The following CTBP1 variants were observed in gnomAD, a reference collection of about 807,000 sequenced individuals.
CTBP1 encodes the protein C-terminal binding protein 1.
A neutral mutation model predicts 42.1 loss-of-function variants in CTBP1; 11 were observed. That is an observed-to-expected ratio of 0.26 (90% CI 0.16 to 0.43). CTBP1 has a LOEUF of 0.43. Among genes scored for constraint, CTBP1 ranks in the 20% least tolerant of loss-of-function variants. CTBP1 has a pLI of 1.00. For missense variants in CTBP1, 399 were observed against 624.3 expected (o/e 0.64, Z 3.85); for synonymous variants, 324 against 277.1 (o/e 1.17, Z -1.68).
chr4:1,227,307 T>G (rs113482566), intron 4 of CTBP1, among the ~76,000 whole-genome samples: 1 of 151,962 alleles, frequency 6.6e-6, no homozygotes, highest in African/African-American at 2.4e-5. Context: ...GTGTGCGTGA[T>G]CCGTGTGCTG....
rs544119555 is a variant in CTBP1 at position 1,211,995 on chromosome 4, T to C, written c.*245A>G. 1 of 376,622 alleles carries C rather than the reference T, an allele frequency of 2.7e-6. No individual in the cohort carries two copies. The highest frequency in any genetic ancestry group is 3.9e-5 in the East Asian group (1 of 25,834). The allele number at this position is 376,622 out of a possible 1,614,324, so 23.3% of individuals were successfully genotyped here. A position where few individuals can be genotyped will look rare whatever the true frequency, so the allele number is the denominator to read the frequency against. On this transcript the variant is annotated 3_prime_UTR_variant, in exon 10 of 10. Transcript: ENST00000382952. ...AAAAACTGTACACAGACAAGAACGTTCATGGGAGAATAACTACTGACTTCT... is the reference window on the plus strand; with the variant it reads ...AAAAACTGTACACAGACAAGAACGTCCATGGGAGAATAACTACTGACTTCT...
At chr4:1,232,543 C>T (rs959896796) in intron 3 of CTBP1, among the ~76,000 whole-genome samples, 12 of 152,108 alleles carry the variant, frequency 7.9e-5, no homozygotes, top group African/African-American at 2.9e-4. Context: ...AACTCCTGAC[C>T]TCAAGTGATC....
intron 1 of CTBP1, chr4:1,242,431 AG>A (rs1560282265): frequency 8.1e-6 from 8 of 985,296 alleles, no homozygotes; most frequent in Non-Finnish European, 9.6e-6. Context: ...CTGCCAGGCC[AG>A]AAGGGGCCAC....
chr4:1,237,060 T>C lies in CTBP1; in HGVS notation c.162+1123A>G, dbSNP rs1731593453. The C allele has an allele frequency of 3.8e-5, 24 of 629,480 alleles. 1 individual carries two copies. The highest frequency in any genetic ancestry group is 3.7e-4 in the South Asian group (23 of 61,636). The allele number at this position is 629,480 out of a possible 1,614,324, so 39.0% of individuals were successfully genotyped here. ...CTGATGGCGCTCAGGACAAACCGAG[T>C]GTGGGGCTCAGGGAAAACCCCGTGT... On this transcript the variant is annotated intron_variant, in intron 3 of 9. Transcript: ENST00000382952.
intron 3 of CTBP1, chr4:1,234,768 A>G (rs1731312725): frequency 6.6e-6 from 1 of 152,226 alleles, no homozygotes; most frequent in African/African-American, 2.4e-5. Context: ...CGTACCTAAC[A>G]AAGGGCACTG....
At chr4:1,242,335 A>G (rs1464534705) in intron 1 of CTBP1, 1 of 985,224 alleles carries the variant, frequency 1.0e-6, no homozygotes, top group African/African-American at 1.7e-5. Flanking sequence ...GGCTGACCCC[A>G]ACGTGCAGCT....
chr4:1,223,998 G>A (rs1034299810), intron 5 of CTBP1, among the ~76,000 whole-genome samples: 14 of 152,204 alleles, frequency 9.2e-5, no homozygotes, highest in South Asian at 6.2e-4. Flanking sequence ...ACCACTCCCC[G>A]GGGATAGGGC....
upstream of CTBP1, chr4:1,249,541 C>G (rs79746330): frequency 0.28 from 52,515 of 185,272 alleles, 9,170 homozygotes; most frequent in Middle Eastern, 0.44. Context: ...AGCTGCCGCC[C>G]TCCCGCGCTC....
At chr4:1,216,435 A>G (rs1729126298) in intron 5 of CTBP1, 1 of 598,446 alleles carries the variant, frequency 1.7e-6, no homozygotes, top group Non-Finnish European at 3.0e-6. Flanking sequence ...GAAAGGGTAC[A>G]CTAGCCCCTC....
Position 1,216,175 on chromosome 4 carries a change from G to T in CTBP1, c.545C>A (p.Ala182Asp). 1 of 1,610,628 alleles carries T rather than the reference G, an allele frequency of 6.2e-7. No homozygotes were observed. The highest frequency in any genetic ancestry group is 1.3e-5 in the African/African-American group (1 of 75,000). Residue 182 changes from alanine (A) to aspartate (D), a missense_variant, in exon 6 of 10, where the codon GCC becomes GAC. Around this residue, in one of 4 missense-constraint regions of CTBP1, gnomAD observed 309 missense variants for 497.5 expected, o/e 0.62. Coordinates refer to ENST00000382952, the MANE Select transcript of CTBP1 (RefSeq NM_001012614.2). ...GRVGQAVALR[A>D]KAFGFNVLFY... Reference sequence around the variant, plus strand: ...GAGCACGTTGAAGCCGAAGGCCTTGGCCCGCAGCGCCACTGCCTGCCCCAC... The same window carrying T: ...GAGCACGTTGAAGCCGAAGGCCTTGTCCCGCAGCGCCACTGCCTGCCCCAC...
In CTBP1 at chr4:1,248,913, T is replaced by C. The variant is rs1194960282; in HGVS notation, c.-189+3A>G. 1.0e-6 allele frequency: 1 copy of C among 986,192 alleles called. No homozygotes were observed. Among genetic ancestry groups the C allele is most frequent in the Non-Finnish European group, 1.2e-6 (1 of 828,916 alleles). 61.1% of individuals were successfully genotyped at this position (986,192 alleles called of 1,614,324 possible). ...CCGGAAACGCGCGCGCGCGCGGCCT[T>C]ACCAAGCGGCAGGCCCTTGTTGAGC... On this transcript the variant is annotated splice_donor_region_variant and intron_variant, in intron 1 of 9. Transcript: ENST00000382952.
chr4:1,223,326 T>TC (rs1200733732), intron 5 of CTBP1: 1 of 408,836 alleles, frequency 2.4e-6, no homozygotes, highest in African/African-American at 2.1e-5. Flanking sequence ...AGCCCTGGGG[T>TC]CCTGGTGGGG....
In CTBP1 at chr4:1,238,294, G is replaced by A; in HGVS notation, c.51C>T (p.Pro17=). The change falls in exon 3 of 10, where the codon CCC becomes CCT. Residue 17 remains proline (P), a synonymous_variant. Coordinates refer to ENST00000382952, the MANE Select transcript of CTBP1 (RefSeq NM_001012614.2). The surrounding 1 kb of genome is among the most constrained non-coding windows in gnomAD (Gnocchi z 5.9). The part of the protein sequence containing the change: ...PIMNGPLHPR[P]LVALLDGRDC... ...CCCGGCCATCCAGCAATGCCACCAGGGGCCGCGGGTGCAGGGGCCCGTTCA... is the reference window on the plus strand; with the variant it reads ...CCCGGCCATCCAGCAATGCCACCAGAGGCCGCGGGTGCAGGGGCCCGTTCA... 4 of 1,596,180 alleles carry A rather than the reference G, an allele frequency of 2.5e-6. No homozygotes were observed. Among genetic ancestry groups the A allele is most frequent in the Non-Finnish European group, 3.4e-6 (4 of 1,167,750 alleles).
At chr4:1,224,321 G>T (rs1024298066) in intron 5 of CTBP1, among the ~76,000 whole-genome samples, 1 of 152,174 alleles carries the variant, frequency 6.6e-6, no homozygotes, top group Non-Finnish European at 1.5e-5. Flanking sequence ...TGTGTGCTGC[G>T]ATGTCCATGT....
intron 2 of CTBP1, among the ~76,000 whole-genome samples, chr4:1,240,899 A>G (rs905929120): frequency 1.3e-5 from 2 of 152,160 alleles, no homozygotes; most frequent in Non-Finnish European, 2.9e-5. Flanking sequence ...GACTGCACGC[A>G]CTTCCGGGCC....
In CTBP1 at chr4:1,214,327, C is replaced by T; in HGVS notation, c.860+16G>A. ...GACAGGGAAGAGCAGGGGGGCGGCA[C>T]TGGCCGTGGGGGCACCTGAAGGGTT... On this transcript the variant is annotated intron_variant, in intron 7 of 9. Coordinates refer to ENST00000382952, the MANE Select transcript of CTBP1 (RefSeq NM_001012614.2). The T allele has an allele frequency of 6.5e-7, 1 of 1,534,900 alleles. No individual in the cohort carries two copies. Among genetic ancestry groups the T allele is most frequent in the South Asian group, 1.3e-5 (1 of 79,744 alleles).
intron 5 of CTBP1, chr4:1,216,554 C>T: frequency 2.4e-6 from 1 of 421,220 alleles, no homozygotes; most frequent in East Asian, 4.3e-5. Context: ...ACCCACCCAA[C>T]ACATGTCCTC....
intron 6 of CTBP1, among the ~76,000 whole-genome samples, chr4:1,214,818 C>T (rs1014767603): frequency 1.3e-5 from 2 of 152,230 alleles, no homozygotes; most frequent in African/African-American, 4.8e-5. Context: ...CAGCCTCCCC[C>T]ACGCAGGGCC....
chr4:1,228,693 C>T (rs918393179), intron 3 of CTBP1, among the ~76,000 whole-genome samples: 2 of 139,912 alleles, frequency 1.4e-5, no homozygotes, highest in South Asian at 2.6e-4. Flanking sequence ...GTGGAAGAAA[C>T]GGGGTCCCGC....
Sources: gnomAD v4.1 joint callset for allele counts (sites outside exome capture counted in the v4.1 genomes callset) on GRCh38, gnomAD v4.1.1 for gene constraint, gnomAD v4.1.1 regional missense constraint, Gnocchi (gnomAD v3.1) non-coding constraint, MANE v1.5 for transcripts, NCBI Gene and HGNC (gene_info 2026-07-23, HGNC 2026-07-21) for gene names.